Variants in CAMK1D observed in about 807,000 individuals in gnomAD.
CAMK1D encodes the protein calcium/calmodulin-dependent protein kinase type 1D.
A neutral mutation model predicts 47.7 loss-of-function variants in CAMK1D; 9 were observed. That is an observed-to-expected ratio of 0.19 (90% confidence interval 0.11 to 0.33). CAMK1D has a LOEUF of 0.33. CAMK1D is among the 10% of genes least tolerant of loss of function. The pLI, the probability that CAMK1D is intolerant of heterozygous loss-of-function variation, is 1.00. For synonymous variants in CAMK1D, 184 were observed against 184.9 expected (o/e 0.99, Z 0.04); for missense variants, 291 against 488.7 (o/e 0.60, Z 3.81).
chr10:12,365,227 A>T (rs905815088), intron 1 of CAMK1D, among the ~76,000 whole-genome samples: 17 of 152,070 alleles, frequency 1.1e-4, no homozygotes, highest in Non-Finnish European at 1.8e-4. Flanking sequence ...AAGTTCTGGG[A>T]TTACAGGTGT....
At chr10:12,765,298 C>A (rs1450923209) in intron 4 of CAMK1D, among the ~76,000 whole-genome samples, 2 of 152,010 alleles carry the variant, frequency 1.3e-5, no homozygotes, top group Non-Finnish European at 2.9e-5. Flanking sequence ...GTAAGGAAGG[C>A]TTTATTCAAG....
At chr10:12,381,325 G>GA (rs1342789671) in intron 1 of CAMK1D, among the ~76,000 whole-genome samples, 1 of 150,764 alleles carries the variant, frequency 6.6e-6, no homozygotes, top group Non-Finnish European at 1.5e-5. Context: ...GGAAGGACTA[G>GA]AAAATCATAA....
chr10:12,450,808 C>T (rs745615186), intron 1 of CAMK1D, among the ~76,000 whole-genome samples: 1 of 152,200 alleles, frequency 6.6e-6, no homozygotes, highest in Non-Finnish European at 1.5e-5. Context: ...AATGCTGGGT[C>T]TATTGGGTTA....
chr10:12,569,779 A>C (rs1212780136), intron 2 of CAMK1D, among the ~76,000 whole-genome samples: 2 of 151,690 alleles, frequency 1.3e-5, no homozygotes, highest in Non-Finnish European at 2.9e-5. Context: ...CTTACCTAGG[A>C]AAAGGAATAT....
chr10:12,412,269 G>C (rs4750213), intron 1 of CAMK1D, among the ~76,000 whole-genome samples: 152,041 of 152,084 alleles, frequency 1, 75,999 homozygotes, highest in Middle Eastern at 1. Flanking sequence ...TCCGCTTCCC[G>C]TAGCCTGGCC....
At chr10:12,745,543 A>G (rs940950871) in intron 3 of CAMK1D, among the ~76,000 whole-genome samples, 2 of 151,788 alleles carry the variant, frequency 1.3e-5, no homozygotes, top group Non-Finnish European at 2.9e-5. Context: ...GTGTTGCTGT[A>G]TATGGATTTT....
chr10:12,563,322 C>A (rs1002887616), intron 2 of CAMK1D, among the ~76,000 whole-genome samples: 2 of 151,874 alleles, frequency 1.3e-5, no homozygotes, highest in African/African-American at 4.8e-5. Context: ...CCACTGCACC[C>A]CAGTCTGGGC....
intron 1 of CAMK1D, among the ~76,000 whole-genome samples, chr10:12,411,239 G>C (rs1005751937): frequency 1.6e-4 from 25 of 152,262 alleles, no homozygotes; most frequent in African/African-American, 5.1e-4. Flanking sequence ...CATAAGGCTT[G>C]GCAGAATGCG....
intron 1 of CAMK1D, among the ~76,000 whole-genome samples, chr10:12,453,795 T>C (rs1470188120): frequency 6.6e-6 from 1 of 152,256 alleles, no homozygotes; most frequent in Non-Finnish European, 1.5e-5. Context: ...CATTTTATCA[T>C]GGAGCCTTGC....
chr10:12,744,163 C>A (rs1375029376), intron 3 of CAMK1D, among the ~76,000 whole-genome samples: 1 of 152,042 alleles, frequency 6.6e-6, no homozygotes, highest in Non-Finnish European at 1.5e-5. Flanking sequence ...ATCAGTACTG[C>A]GTTTCTTTTT....
At chr10:12,610,166 A>T (rs1438259596) in intron 2 of CAMK1D, among the ~76,000 whole-genome samples, 1 of 152,228 alleles carries the variant, frequency 6.6e-6, no homozygotes, top group Non-Finnish European at 1.5e-5. Context: ...AATCCAGATT[A>T]GGAAGGGATG....
At chr10:12,528,480 T>C (rs573599939) in intron 1 of CAMK1D, among the ~76,000 whole-genome samples, 1 of 152,330 alleles carries the variant, frequency 6.6e-6, no homozygotes, top group African/African-American at 2.4e-5. Flanking sequence ...ACAAGCGTGA[T>C]TTCAGTGATT....
intron 5 of CAMK1D, among the ~76,000 whole-genome samples, chr10:12,787,195 A>G (rs1408638284): frequency 2.0e-5 from 3 of 152,338 alleles, no homozygotes; most frequent in East Asian, 3.9e-4. Flanking sequence ...AAGCATAAAA[A>G]TTAGCCCCTT....
chr10:12,392,908 A>C (rs1014425879), intron 1 of CAMK1D, among the ~76,000 whole-genome samples: 4 of 127,178 alleles, frequency 3.1e-5, no homozygotes, highest in Non-Finnish European at 6.8e-5. Flanking sequence ...TTTCTTCCAA[A>C]TTTTCCTAGT....
chr10:12,723,432 G>A (rs987072921), intron 3 of CAMK1D, among the ~76,000 whole-genome samples: 1 of 152,104 alleles, frequency 6.6e-6, no homozygotes, highest in Admixed American at 6.6e-5. Context: ...CGTTTTTGGG[G>A]CATCTCATCT....
At chr10:12,487,622 T>C (rs1272552106) in intron 1 of CAMK1D, among the ~76,000 whole-genome samples, 1 of 152,246 alleles carries the variant, frequency 6.6e-6, no homozygotes, top group African/African-American at 2.4e-5. Context: ...CAGCTCATCA[T>C]TGCAATGCCA....
intron 5 of CAMK1D, among the ~76,000 whole-genome samples, chr10:12,770,469 C>T (rs1836988837): frequency 6.6e-6 from 1 of 152,224 alleles, no homozygotes; most frequent in South Asian, 2.1e-4. Flanking sequence ...TTGACATCAG[C>T]GTATTCATGC....
chr10:12,805,805 C>T (rs1300145830), intron 6 of CAMK1D, among the ~76,000 whole-genome samples: 2 of 152,218 alleles, frequency 1.3e-5, no homozygotes, highest in Non-Finnish European at 2.9e-5. Context: ...TTTAATGACT[C>T]GGGCATCCAG....
intron 1 of CAMK1D, among the ~76,000 whole-genome samples, chr10:12,547,639 A>AGCC: frequency 1.8e-5 from 2 of 109,252 alleles, no homozygotes; most frequent in South Asian, 3.4e-4. Flanking sequence ...TCACGAGGAC[A>AGCC]CCCCCCCCCC....
Sources: allele counts gnomAD v4.1 joint callset (sites outside exome capture counted in the v4.1 genomes callset), GRCh38; gene constraint gnomAD v4.1.1; transcripts MANE v1.5; gene names NCBI Gene and HGNC (gene_info 2026-07-23, HGNC 2026-07-21).